ADAMTS3: variants seen among roughly 807,000 people sequenced by gnomAD.
ADAMTS3 encodes A disintegrin and metalloproteinase with thrombospondin motifs 3.
In ADAMTS3, 73 loss-of-function variants were observed where a neutral mutation model predicts 129.0. That is an observed-to-expected ratio of 0.57 (90% CI 0.47 to 0.69). The LOEUF (loss-of-function observed/expected upper bound fraction) is 0.69, where lower values mean the gene tolerates loss of function less well. Ranked by LOEUF, ADAMTS3 falls within the 30% of genes least tolerant of loss-of-function variation. ADAMTS3 has a pLI of 0.00. For missense variants in ADAMTS3, 1,457 were observed against 1,514.5 expected, an observed-to-expected ratio of 0.96 and a Z score of 0.63; for synonymous variants, 477 against 510.8, an observed-to-expected ratio of 0.93 and a Z score of 0.89.
At chr4:72,366,185 C>T (rs574955491) in intron 4 of ADAMTS3, among the ~76,000 whole-genome samples, 2 of 152,286 alleles carry the variant, frequency 1.3e-5, no homozygotes, top group South Asian at 4.1e-4. Flanking sequence ...CACAAAATAG[C>T]TCACATGTCT....
intron 3 of ADAMTS3, among the ~76,000 whole-genome samples, chr4:72,431,275 C>T (rs1181946856): frequency 6.6e-6 from 1 of 151,918 alleles, no homozygotes; most frequent in Non-Finnish European, 1.5e-5. Context: ...ATTCAGTGTT[C>T]CAGGAACTGC....
chr4:72,489,136 G>GT (rs1171424357), intron 3 of ADAMTS3, among the ~76,000 whole-genome samples: 1 of 151,866 alleles, frequency 6.6e-6, no homozygotes, highest in African/African-American at 2.4e-5. Flanking sequence ...CTGAATAAAG[G>GT]TTTAGAAAGG....
intron 3 of ADAMTS3, among the ~76,000 whole-genome samples, chr4:72,526,309 G>A (rs1720805026): frequency 6.6e-6 from 1 of 152,142 alleles, no homozygotes; most frequent in Admixed American, 6.5e-5. Flanking sequence ...GGCCAGCTGT[G>A]TAAGATTTTC....
At chr4:72,442,806 C>T (rs1224013476) in intron 3 of ADAMTS3, among the ~76,000 whole-genome samples, 1 of 151,766 alleles carries the variant, frequency 6.6e-6, no homozygotes, top group African/African-American at 2.4e-5. Flanking sequence ...AAGACAGAGG[C>T]AGCTTTCTGT....
chr4:72,373,926 T>G (rs978624828), intron 4 of ADAMTS3, among the ~76,000 whole-genome samples: 56 of 99,732 alleles, frequency 5.6e-4, no homozygotes, highest in African/African-American at 1.5e-3. Flanking sequence ...ATAATAATAA[T>G]AATAATAATA....
intron 3 of ADAMTS3, among the ~76,000 whole-genome samples, chr4:72,512,998 A>G (rs1720358004): frequency 5.3e-5 from 8 of 152,104 alleles, no homozygotes; most frequent in Admixed American, 5.2e-4. Flanking sequence ...ATCATACTTC[A>G]GCTCTCCTCT....
intron 2 of ADAMTS3, among the ~76,000 whole-genome samples, chr4:72,563,270 A>G (rs1384580542): frequency 6.6e-6 from 1 of 152,192 alleles, no homozygotes; most frequent in East Asian, 1.9e-4. Flanking sequence ...ATCATGCTCA[A>G]TGGAGGGACA....
At chr4:72,302,361 C>T (rs189935434) in intron 17 of ADAMTS3, among the ~76,000 whole-genome samples, 103 of 149,150 alleles carry the variant, frequency 6.9e-4, no homozygotes, top group African/African-American at 2.2e-3. Context: ...CCATCGGATA[C>T]GAAAAATTTA....
At chr4:72,524,935 G>C (rs529114447) in intron 3 of ADAMTS3, among the ~76,000 whole-genome samples, 2 of 152,254 alleles carry the variant, frequency 1.3e-5, no homozygotes, top group Admixed American at 1.3e-4. Context: ...GTGCTACGTA[G>C]GAAAAACACT....
At chr4:72,314,468 C>G (rs1469460944) in intron 11 of ADAMTS3, among the ~76,000 whole-genome samples, 1 of 152,116 alleles carries the variant, frequency 6.6e-6, no homozygotes, top group Non-Finnish European at 1.5e-5. Flanking sequence ...TATAGAGGCA[C>G]CTAGCTTACA....
intron 3 of ADAMTS3, among the ~76,000 whole-genome samples, chr4:72,499,638 T>G (rs1259139533): frequency 6.6e-6 from 1 of 152,166 alleles, no homozygotes; most frequent in East Asian, 1.9e-4. Flanking sequence ...TTTCAACTTT[T>G]ATTTTAGATT....
chr4:72,501,640 C>T (rs1258892098), intron 3 of ADAMTS3, among the ~76,000 whole-genome samples: 1 of 151,948 alleles, frequency 6.6e-6, no homozygotes, highest in African/African-American at 2.4e-5. Context: ...ATAAGGACTC[C>T]CAGTACTATG....
intron 15 of ADAMTS3, among the ~76,000 whole-genome samples, chr4:72,307,185 T>C (rs1470924767): frequency 6.6e-6 from 1 of 151,994 alleles, no homozygotes; most frequent in Non-Finnish European, 1.5e-5. Context: ...TATGAATAGA[T>C]TTACCTAAGT....
chr4:72,548,794 G>C lies in ADAMTS3; in HGVS notation c.188C>G (p.Ala63Gly). The change falls in exon 3 of 22, where the codon GCG becomes GGG. Residue 63 changes from alanine to glycine, a missense_variant. By Grantham distance (60) the Ala-to-Gly change is moderately conservative. Transcript: ENST00000286657. ...CCTCGCTGACCTCTTTTTGTGACTC[G>C]CAGAAAGAGTATGGGAGAGATAGCG... ...EGRYLSHTLSASHKKRSARDV... is the reference protein window; with the variant it reads ...EGRYLSHTLSGSHKKRSARDV... 1 of 1,613,814 alleles carries C rather than the reference G, an allele frequency of 6.2e-7. No homozygotes were observed. Among genetic ancestry groups the C allele is most frequent in the South Asian group, 1.1e-5 (1 of 91,074 alleles).
intron 2 of ADAMTS3, among the ~76,000 whole-genome samples, chr4:72,556,489 T>C (rs1184788680): frequency 6.6e-6 from 1 of 151,678 alleles, no homozygotes; most frequent in African/African-American, 2.4e-5. Context: ...TCAGTATAAA[T>C]CTCTTATATG....
At chr4:72,533,649 A>T (rs1721106900) in intron 3 of ADAMTS3, among the ~76,000 whole-genome samples, 2 of 151,912 alleles carry the variant, frequency 1.3e-5, no homozygotes, top group Non-Finnish European at 2.9e-5. Flanking sequence ...ACATATGTAT[A>T]TATACATATA....
At chr4:72,329,764 A>C (rs1719797528) in intron 5 of ADAMTS3, among the ~76,000 whole-genome samples, 1 of 151,618 alleles carries the variant, frequency 6.6e-6, no homozygotes, top group African/African-American at 2.4e-5. Context: ...AAAAAAAAAA[A>C]CGATCTACGA....
In ADAMTS3 at chr4:72,534,741, A is replaced by G. The variant is rs1578773425; in HGVS notation, c.504+13737T>C. On this transcript the variant is annotated intron_variant, in intron 3 of 21. Coordinates refer to ENST00000286657, the MANE Select transcript of ADAMTS3 (RefSeq NM_014243.3). ...TAAGTATGGAAAAAAGTAGCAACATAGTGCCATGAATACAGCCCATATTTC... is the reference window on the plus strand; with the variant it reads ...TAAGTATGGAAAAAAGTAGCAACATGGTGCCATGAATACAGCCCATATTTC... 3.3e-5 allele frequency among the ~76,000 whole-genome samples: 5 copies of G among 152,342 alleles called. 1 individual carries two copies. The highest frequency in any genetic ancestry group is 3.3e-4 in the Admixed American group (5 of 15,306).
intron 4 of ADAMTS3, among the ~76,000 whole-genome samples, chr4:72,378,874 C>T (rs1721204654): frequency 6.6e-6 from 1 of 152,126 alleles, no homozygotes; most frequent in African/African-American, 2.4e-5. Context: ...GGGGTTTTCT[C>T]CTAAACTTTT....
Sources: allele counts gnomAD v4.1 joint callset (sites outside exome capture counted in the v4.1 genomes callset), GRCh38; gene constraint gnomAD v4.1.1; transcripts MANE v1.5; gene names NCBI Gene and HGNC (gene_info 2026-07-23, HGNC 2026-07-21).